The following SLCO2A1 variants were observed in gnomAD, a reference collection of about 807,000 sequenced individuals.
SLCO2A1 encodes the protein matrin F/G 1.
SLCO2A1 carries 60 observed loss-of-function variants against 71.7 expected under a neutral mutation model. The ratio of observed to expected loss-of-function variants is 0.84; its 90% CI spans 0.68 to 1.04. The LOEUF (loss-of-function observed/expected upper bound fraction) is 1.04. SLCO2A1 is among the 50% of genes least tolerant of loss of function. SLCO2A1 has a pLI of 0.00. For missense variants in SLCO2A1, 745 were observed against 813.4 expected (o/e 0.92, Z 1.02); for synonymous variants, 308 against 326.7 (o/e 0.94, Z 0.62).
intron 1 of SLCO2A1, among the ~76,000 whole-genome samples, chr3:134,029,496 GCACA>G (rs796767479): frequency 8.6e-6 from 1 of 115,788 alleles, no homozygotes; most frequent in African/African-American, 4.0e-5. Context: ...ACACTCGCAC[GCACA>G]CACACACGCT....
chr3:133,974,399 C>T (rs984130594), intron 2 of SLCO2A1, among the ~76,000 whole-genome samples: 1 of 152,206 alleles, frequency 6.6e-6, no homozygotes, highest in African/African-American at 2.4e-5. Context: ...ATACCCATCA[C>T]TATGAGGTTA....
rs1933260004 is a variant in SLCO2A1, at chr3:133,935,954, C to A, written c.1691-57G>T. On this transcript the variant is annotated intron_variant, in intron 12 of 13. Coordinates refer to ENST00000310926, the MANE Select transcript of SLCO2A1 (RefSeq NM_005630.3). ...TGGAACTGCAGGCAGAGGTGTCCAG[C>A]AGGGGTGTGGGAGCCAAGTCCCCGA... The A allele has an allele frequency of 5.5e-6, 8 of 1,465,050 alleles. No individual in the cohort carries two copies. In the South Asian group the frequency reaches 9.1e-5, roughly 17 times the overall value. The allele number at this position is 1,465,050 out of a possible 1,614,324, so 90.8% of individuals were successfully genotyped here.
intron 1 of SLCO2A1, among the ~76,000 whole-genome samples, chr3:133,997,844 G>C (rs1935003691): frequency 6.6e-6 from 1 of 152,234 alleles, no homozygotes; most frequent in African/African-American, 2.4e-5. Flanking sequence ...ACTTTGCCCA[G>C]TATTACAGAC....
chr3:133,985,687 T>C (rs1934698312), intron 1 of SLCO2A1, among the ~76,000 whole-genome samples: 1 of 152,202 alleles, frequency 6.6e-6, no homozygotes, highest in Non-Finnish European at 1.5e-5. Flanking sequence ...ACAATGTGTG[T>C]TTTTTAGAAC....
chr3:133,973,085 T>C (rs1216770301), intron 3 of SLCO2A1, among the ~76,000 whole-genome samples: 2 of 152,058 alleles, frequency 1.3e-5, no homozygotes, highest in South Asian at 2.1e-4. Flanking sequence ...TGAGAGAGGA[T>C]GGTGGGCAAA....
chr3:134,011,384 A>T (rs1935342092), intron 1 of SLCO2A1, among the ~76,000 whole-genome samples: 2 of 152,218 alleles, frequency 1.3e-5, no homozygotes, highest in Non-Finnish European at 2.9e-5. Context: ...CAGTGGGCCC[A>T]TGATGTGGGA....
intron 1 of SLCO2A1, among the ~76,000 whole-genome samples, chr3:134,002,905 T>G (rs1935133149): frequency 6.6e-6 from 1 of 151,944 alleles, no homozygotes; most frequent in Admixed American, 6.6e-5. Context: ...AAAAAAAAAG[T>G]CTTTCTCTGG....
chr3:133,950,569 T>C (rs1033870094), intron 6 of SLCO2A1, among the ~76,000 whole-genome samples: 3 of 152,166 alleles, frequency 2.0e-5, no homozygotes, highest in Admixed American at 6.5e-5. Flanking sequence ...CTAGCTGCCA[T>C]ATTGCCACCC....
chr3:133,958,655 G>T (rs1018797869), intron 3 of SLCO2A1, among the ~76,000 whole-genome samples: 6 of 152,242 alleles, frequency 3.9e-5, no homozygotes, highest in African/African-American at 1.2e-4. Context: ...GTCACTCAAA[G>T]AAATCAACAC....
At chr3:133,975,808 TC>T (rs1934429163) in intron 2 of SLCO2A1, among the ~76,000 whole-genome samples, 1 of 152,194 alleles carries the variant, frequency 6.6e-6, no homozygotes, top group East Asian at 1.9e-4. Flanking sequence ...TCAGATTGAA[TC>T]ATCTCAAGAA....
In SLCO2A1 at chr3:134,029,893, CAGTGGCCGGAGGA is replaced by C. The variant is rs1935789298; in HGVS notation, c.-104_-92del. Reference sequence around the variant, plus strand: ...GGCGGGTGAGAGGCGACCGCGGCGGCAGTGGCCGGAGGAGATTCGCGGAGCGGAGACTGAGCCA... The same window carrying C: ...GGCGGGTGAGAGGCGACCGCGGCGGCGATTCGCGGAGCGGAGACTGAGCCA... On this transcript the variant is annotated 5_prime_UTR_variant, in exon 1 of 14. Coordinates refer to ENST00000310926, the MANE Select transcript of SLCO2A1 (RefSeq NM_005630.3). 1.6e-6 allele frequency: 1 copy of C among 641,658 alleles called. No individual in the cohort carries two copies. Among genetic ancestry groups the C allele is most frequent in the African/African-American group, 1.9e-5 (1 of 52,096 alleles). The allele number at this position is 641,658 out of a possible 1,614,324, so 39.7% of individuals were successfully genotyped here.
intron 1 of SLCO2A1, among the ~76,000 whole-genome samples, chr3:133,996,899 G>A (rs1934977748): frequency 1.3e-5 from 2 of 152,238 alleles, no homozygotes; most frequent in African/African-American, 4.8e-5. Context: ...GTAGAAGGAT[G>A]GCAGTAGGAG....
intron 1 of SLCO2A1, among the ~76,000 whole-genome samples, chr3:134,009,447 T>C (rs995494568): frequency 2.0e-5 from 3 of 152,258 alleles, no homozygotes; most frequent in Non-Finnish European, 2.9e-5. Context: ...GATTTATTTA[T>C]TGACTCTCTG....
rs1933204446 is a variant in SLCO2A1, at chr3:133,933,963, GACAGGGATA to G, written c.*741_*749del. 3 of 152,352 alleles carry G rather than the reference GACAGGGATA, an allele frequency of 2.0e-5. No homozygotes were observed. The South Asian group carries it at 6.2e-4, about 32-fold the overall frequency. The allele number at this position is 152,352 out of a possible 1,614,324, so 9.4% of individuals were successfully genotyped here. On this transcript the variant is annotated 3_prime_UTR_variant, in exon 14 of 14. Transcript: ENST00000310926. ...CTCAGTTTGAAACGTACCCCAGAAA[GACAGGGATA>G]ACATGTGAGGATCTAAGGACAGAAA...
rs181086231 is a variant in SLCO2A1, at chr3:133,966,353, C to A, written c.397+7310G>T. Among the ~76,000 whole-genome samples the A allele has an allele frequency of 7.0e-3, 1,059 of 152,290 alleles. 14 individuals carry two copies. Among genetic ancestry groups the A allele is most frequent in the African/African-American group, 0.024 (989 of 41,556 alleles). On this transcript the variant is annotated intron_variant, in intron 3 of 13. Coordinates refer to ENST00000310926, the MANE Select transcript of SLCO2A1 (RefSeq NM_005630.3). ...GTCCCATGGTGTTCAAACACATCAG[C>A]CACCAAATCTTCTGCAACCAATGCT...
chr3:133,944,745 C>A (rs963029415), intron 10 of SLCO2A1, among the ~76,000 whole-genome samples: 5 of 152,276 alleles, frequency 3.3e-5, no homozygotes, highest in Non-Finnish European at 5.9e-5. Context: ...CACGGCCAGC[C>A]TGCAGGACCC....
intron 1 of SLCO2A1, among the ~76,000 whole-genome samples, chr3:133,980,016 T>C (rs538066337): frequency 2.7e-4 from 41 of 152,268 alleles, no homozygotes; most frequent in Admixed American, 2.2e-3. Flanking sequence ...TCCTGTGCCC[T>C]GTGAGGGCTG....
Position 133,993,000 on chromosome 3 carries a change from C to T in SLCO2A1, c.97-13382G>A, listed in dbSNP as rs532968492. Among the ~76,000 whole-genome samples the T allele has an allele frequency of 9.2e-5, 14 of 152,334 alleles. No individual in the cohort carries two copies. The South Asian group carries it at 1.5e-3, about 16-fold the overall frequency. Reference sequence around the variant, plus strand: ...TGCACTGAGCTGTTAACACTTAAGCCGTCCACAGATGGGCTAAAAGGGCAC... The same window carrying T: ...TGCACTGAGCTGTTAACACTTAAGCTGTCCACAGATGGGCTAAAAGGGCAC... On this transcript the variant is annotated intron_variant, in intron 1 of 13. Transcript: ENST00000310926.
chr3:134,014,336 A>C (rs913818167), intron 1 of SLCO2A1, among the ~76,000 whole-genome samples: 3 of 152,130 alleles, frequency 2.0e-5, no homozygotes, highest in African/African-American at 7.2e-5. Context: ...TCCCTTCAGC[A>C]GGGCAAAGAG....
Sources: gnomAD v4.1 joint callset for allele counts (sites outside exome capture counted in the v4.1 genomes callset) on GRCh38, gnomAD v4.1.1 for gene constraint, MANE v1.5 for transcripts, NCBI Gene and HGNC (gene_info 2026-07-23, HGNC 2026-07-21) for gene names.